Variants in HGF observed in about 807,000 individuals in gnomAD.
The protein encoded by HGF is hepatocyte growth factor.
HGF carries 39 observed loss-of-function variants against 111.6 expected under a neutral mutation model. That is an observed-to-expected ratio of 0.35 (90% confidence interval 0.27 to 0.46). The LOEUF is 0.46. HGF is among the 20% of genes least tolerant of loss of function. The pLI is 1.00. For synonymous variants in HGF, 285 were observed against 294.8 expected (o/e 0.97, Z 0.34); for missense variants, 735 against 910.5 (o/e 0.81, Z 2.48).
chr7:81,744,987 A>G lies in HGF; in HGVS notation c.746+13T>C, dbSNP rs202175582. 1.6e-5 allele frequency: 26 copies of G among 1,613,274 alleles called. No homozygotes were observed. Among genetic ancestry groups the G allele is most frequent in the African/African-American group, 2.7e-5 (2 of 75,044 alleles). On this transcript the variant is annotated intron_variant, in intron 6 of 17. Coordinates refer to ENST00000222390, the MANE Select transcript of HGF (RefSeq NM_000601.6). The stretch of plus-strand genomic sequence containing the variant: ...AAAAGAATCACTGAAAGCATGATTC[A>G]TTAATATTTTACCTTTCAGGCAAGA...
chr7:81,753,531 T>C (rs554816132), intron 4 of HGF, among the ~76,000 whole-genome samples: 1 of 152,130 alleles, frequency 6.6e-6, no homozygotes, highest in South Asian at 2.1e-4. Flanking sequence ...CCATCATTTT[T>C]CATGTTGTGA....
At chr7:81,743,537 A>C in intron 6 of HGF, 66 bp from the exon 7 acceptor site, 7 of 1,007,520 alleles carry the variant, frequency 6.9e-6, no homozygotes, top group Non-Finnish European at 1.1e-5. Context: ...CCCTCAGCTC[A>C]CAAAATAACT....
rs754102922 is a variant in HGF at position 81,745,047 on chromosome 7, C to T, written c.699G>A (p.Gln233=). 6.2e-7 allele frequency: 1 copy of T among 1,614,002 alleles called. No homozygotes were observed. The highest frequency in any genetic ancestry group is 8.5e-7 in the Non-Finnish European group (1 of 1,179,948). The part of the protein sequence containing the change: ...MDHTESGKIC[Q]RWDHQTPHRH... Reference sequence around the variant, plus strand: ...GGTGTGGTGTCTGATGATCCCAGCGCTGACAAATCTTGCCTGATTCTGTAT... The same window carrying T: ...GGTGTGGTGTCTGATGATCCCAGCGTTGACAAATCTTGCCTGATTCTGTAT... Residue 233 remains glutamine (Q), a synonymous_variant, in exon 6 of 18, where the codon CAG becomes CAA. Transcript: ENST00000222390.
intron 11 of HGF, among the ~76,000 whole-genome samples, chr7:81,716,146 T>C (rs978371031): frequency 1.3e-5 from 2 of 152,150 alleles, no homozygotes; most frequent in African/African-American, 4.8e-5. Flanking sequence ...CCAGGGGACA[T>C]TGGCAATGTC....
At chr7:81,727,536 T>G (rs1222693026) in intron 8 of HGF, among the ~76,000 whole-genome samples, 1 of 151,784 alleles carries the variant, frequency 6.6e-6, no homozygotes, top group Admixed American at 6.6e-5. Flanking sequence ...TCTTATAAAA[T>G]TATTAACTGG....
intron 1 of HGF, among the ~76,000 whole-genome samples, chr7:81,765,257 A>G (rs1452392771): frequency 6.6e-6 from 1 of 152,072 alleles, no homozygotes; most frequent in Non-Finnish European, 1.5e-5. Context: ...CATGAAGAAG[A>G]TTCTGGAGAG....
chr7:81,745,171 A>G, intron 5 of HGF, 51 bp from the exon 6 acceptor site: 5 of 1,598,230 alleles, frequency 3.1e-6, no homozygotes, highest in Non-Finnish European at 4.3e-6. Context: ...GCAAAATCAA[A>G]AACACCACTG....
intron 9 of HGF, among the ~76,000 whole-genome samples, chr7:81,725,184 C>A (rs1279568779): frequency 1.3e-5 from 2 of 152,150 alleles, no homozygotes; most frequent in African/African-American, 4.8e-5. Context: ...CCTAAGAGTC[C>A]TTTCTCTTTC....
intron 4 of HGF, among the ~76,000 whole-genome samples, chr7:81,754,295 GT>G (rs1788650326): frequency 6.6e-6 from 1 of 151,796 alleles, no homozygotes; most frequent in Non-Finnish European, 1.5e-5. Flanking sequence ...AAGAAACCTA[GT>G]AGTTATAGCA....
chr7:81,746,035 A>G (rs1788233542), intron 5 of HGF, among the ~76,000 whole-genome samples: 1 of 152,220 alleles, frequency 6.6e-6, no homozygotes, highest in African/African-American at 2.4e-5. Flanking sequence ...GTATCTTGCA[A>G]TTACTGATCA....
chr7:81,719,458 A>T (rs2115861711), intron 10 of HGF, among the ~76,000 whole-genome samples: 1 of 152,322 alleles, frequency 6.6e-6, no homozygotes, highest in African/African-American at 2.4e-5. Context: ...ATGGCTACTG[A>T]GAAATTGATT....
chr7:81,757,115 T>C, intron 4 of HGF, 74 bp downstream of exon 4: 8 of 815,194 alleles, frequency 9.8e-6, no homozygotes. Context: ...AGAATTATTC[T>C]GAAGGACTAA....
intron 8 of HGF, 77 bp downstream of exon 8, chr7:81,729,528 A>G: frequency 8.9e-7 from 1 of 1,126,026 alleles, no homozygotes; most frequent in Non-Finnish European, 1.4e-6. Flanking sequence ...CTAACACAAA[A>G]TTAGTAAAAA....
rs1789247065 is a variant in HGF at position 81,700,247 on chromosome 7, T to C, written c.*2334A>G. ...CCACCAGCAAATAATGACATGACTC[T>C]ACCCTGTTCTACCACCTAAAATAAC... On this transcript the variant is annotated 3_prime_UTR_variant, in exon 18 of 18. Transcript: ENST00000222390. 6.6e-6 allele frequency: 1 copy of C among 151,680 alleles called. No homozygotes were observed. Among genetic ancestry groups the C allele is most frequent in the South Asian group, 2.1e-4 (1 of 4,836 alleles). The allele number at this position is 151,680 out of a possible 1,614,324, so 9.4% of individuals were successfully genotyped here.
chr7:81,761,766 G>T (rs953785180), intron 2 of HGF, among the ~76,000 whole-genome samples: 29 of 134,118 alleles, frequency 2.2e-4, no homozygotes, highest in African/African-American at 7.4e-4. Flanking sequence ...TGGCACCAGG[G>T]ACTGGTTTAT....
rs180789621 is a variant in HGF, at chr7:81,712,440, T to C, written c.1406-921A>G. 3.3e-4 allele frequency among the ~76,000 whole-genome samples: 51 copies of C among 152,302 alleles called. 1 individual carries two copies. Among genetic ancestry groups the C allele is most frequent in the Non-Finnish European group, 3.8e-4 (26 of 68,018 alleles). ...ATAATTATGCTTTGTTGCTTGAATATTTCAAGGGTTGATTTTTCCAGATGC... is the reference window on the plus strand; with the variant it reads ...ATAATTATGCTTTGTTGCTTGAATACTTCAAGGGTTGATTTTTCCAGATGC... On this transcript the variant is annotated intron_variant, in intron 11 of 17. Transcript: ENST00000222390.
intron 4 of HGF, among the ~76,000 whole-genome samples, chr7:81,752,591 CA>C (rs1788558348): frequency 6.6e-6 from 1 of 152,086 alleles, no homozygotes; most frequent in Non-Finnish European, 1.5e-5. Flanking sequence ...GGTGATTGAG[CA>C]AGGCCACTTA....
At chr7:81,736,746 C>T (rs765417233) in intron 7 of HGF, 1 of 473,328 alleles carries the variant, frequency 2.1e-6, no homozygotes, top group East Asian at 6.2e-5. Flanking sequence ...CTGGAACAGA[C>T]AGCATGAGAG....
At chr7:81,721,275 A>T (rs2115874363) in intron 9 of HGF, among the ~76,000 whole-genome samples, 1 of 152,280 alleles carries the variant, frequency 6.6e-6, no homozygotes, top group Admixed American at 6.5e-5. Context: ...AAATTAAAGT[A>T]CTTGAAATCT....
Sources: allele counts gnomAD v4.1 joint callset (sites outside exome capture counted in the v4.1 genomes callset), GRCh38; gene constraint gnomAD v4.1.1; transcripts MANE v1.5; gene names NCBI Gene and HGNC (gene_info 2026-07-23, HGNC 2026-07-21).